PKD2L1: variants seen among roughly 807,000 people sequenced by gnomAD.
PKD2L1 encodes the protein polycystin-2-like protein 1.
A neutral mutation model predicts 93.0 loss-of-function variants in PKD2L1; 77 were observed. That is an observed-to-expected ratio of 0.83 (90% CI 0.69 to 1.00). The LOEUF (loss-of-function observed/expected upper bound fraction) is 1.00, where lower values mean the gene tolerates loss of function less well. Ranked by LOEUF, PKD2L1 falls within the 50% of genes least tolerant of loss-of-function variation. PKD2L1 has a pLI of 0.00. For missense variants in PKD2L1, 977 were observed against 990.9 expected (o/e 0.99, Z 0.19); for synonymous variants, 390 against 388.0 (o/e 1.01, Z -0.06).
chr10:100,298,938 GTTA>G (rs59370050), intron 3 of PKD2L1, 123 bp from the exon 4 acceptor site: 994 of 653,178 alleles, frequency 1.5e-3, no homozygotes, highest in Middle Eastern at 2.0e-3. Context: ...AAAAATTATT[GTTA>G]TTATTATTAT....
chr10:100,296,646 G>A (rs992826744), intron 6 of PKD2L1, among the ~76,000 whole-genome samples: 12 of 152,032 alleles, frequency 7.9e-5, no homozygotes, highest in Admixed American at 2.0e-4. Context: ...AGATGAAGGG[G>A]CAGAATATTT....
chr10:100,288,828 C>G (rs1848338384), intron 15 of PKD2L1, 144 bp downstream of exon 15: 1 of 583,504 alleles, frequency 1.7e-6, no homozygotes. Flanking sequence ...AACATTGGCT[C>G]AAAAGGCCAG....
chr10:100,303,640 G>C (rs1342134755), intron 2 of PKD2L1, among the ~76,000 whole-genome samples: 6 of 152,004 alleles, frequency 3.9e-5, no homozygotes, highest in African/African-American at 1.4e-4. Flanking sequence ...TTTTTCAGGG[G>C]GAAAAAATGG....
Position 100,304,820 on chromosome 10 carries a change from G to A in PKD2L1, c.350-5102C>T, listed in dbSNP as rs572839706. On this transcript the variant is annotated intron_variant, in intron 2 of 15. Transcript: ENST00000318222. ...TTCTATCCTTAAAAAGTTCTATTGA[G>A]GAAGACGTGTCCCAGAATGAACTTG... Among the ~76,000 whole-genome samples the A allele has an allele frequency of 2.8e-4, 42 of 152,270 alleles. No homozygotes were observed. The South Asian group carries it at 8.3e-3, about 30-fold the overall frequency.
chr10:100,297,032 C>T lies in PKD2L1; in HGVS notation c.1133G>A (p.Arg378Gln), dbSNP rs202172386. ...CCAGATGCTGCTGAGGTAGCGAAGC[C>T]GGTGAATGTGGAGCTCCAGGATCTC... ...VEEILELHIH[R>Q]LRYLSSIWNI... Residue 378 changes from arginine to glutamine, a missense_variant, in exon 6 of 16, where the codon CGG (arginine) becomes CAG (glutamine). Coordinates refer to ENST00000318222, the MANE Select transcript of PKD2L1 (RefSeq NM_016112.3). 4.5e-5 allele frequency: 73 copies of T among 1,613,976 alleles called. No homozygotes were observed. The highest frequency in any genetic ancestry group is 2.2e-4 in the South Asian group (20 of 91,084).
chr10:100,304,228 A>G (rs12269704), intron 2 of PKD2L1, among the ~76,000 whole-genome samples: 8,064 of 152,164 alleles, frequency 0.053, 714 homozygotes, highest in African/African-American at 0.18. Flanking sequence ...CTCTCCCCAT[A>G]CAAACACTCT....
rs1465031273 is a variant in PKD2L1, at chr10:100,300,363, C to T, written c.350-645G>A. Among the ~76,000 whole-genome samples, 3 of 151,286 alleles carry T rather than the reference C, an allele frequency of 2.0e-5. 1 individual carries two copies. The highest frequency in any genetic ancestry group is 4.9e-5 in the African/African-American group (2 of 41,022). On this transcript the variant is annotated intron_variant, in intron 2 of 15. Coordinates refer to ENST00000318222, the MANE Select transcript of PKD2L1 (RefSeq NM_016112.3). ...ACCTAGGAGCAATCACCCTGTGATT[C>T]TCCCTGTGCACACATTGTGTGCAAG...
At chr10:100,307,136 T>C (rs941438717) in intron 2 of PKD2L1, among the ~76,000 whole-genome samples, 10 of 152,298 alleles carry the variant, frequency 6.6e-5, no homozygotes, top group Non-Finnish European at 1.5e-4. Flanking sequence ...TAGACACCTA[T>C]TGCCTCAAAA....
chr10:100,289,042 A>C lies in PKD2L1; in HGVS notation c.2265T>G (p.Ile755Met), dbSNP rs568301935. ...APSPGVKEQA[I>M]WKHPQPAPAV... is the part of the protein sequence containing the mutation. ...CTGGGGCTGGCTGCGGGTGCTTCCAAATAGCTTGTTCCTTCTGTTGGAAGA... is the reference window on the plus strand; with the variant it reads ...CTGGGGCTGGCTGCGGGTGCTTCCACATAGCTTGTTCCTTCTGTTGGAAGA... The change falls in exon 15 of 16, where the codon ATT becomes ATG. Residue 755 changes from isoleucine (I) to methionine (M), a missense_variant. By Grantham distance (10) the Ile-to-Met change is conservative (BLOSUM62 1). Coordinates refer to ENST00000318222, the MANE Select transcript of PKD2L1 (RefSeq NM_016112.3). 9 of 1,612,476 alleles carry C rather than the reference A, an allele frequency of 5.6e-6. No homozygotes were observed. The Admixed American group carries it at 6.7e-5, about 12-fold the overall frequency.
intron 2 of PKD2L1, among the ~76,000 whole-genome samples, chr10:100,321,759 G>GAAAGAAAGAAA (rs1564894567): frequency 3.1e-3 from 1 of 322 alleles, no homozygotes; most frequent in African/African-American, 0.013. Flanking sequence ...AAGAAAGAAG[G>GAAAGAAAGAAA]GAGGGAGGGA....
chr10:100,322,201 C>A (rs1404029497), intron 2 of PKD2L1, among the ~76,000 whole-genome samples: 1 of 152,052 alleles, frequency 6.6e-6, no homozygotes, highest in African/African-American at 2.4e-5. Context: ...GCCTGAGCAA[C>A]AGAGCAAGGC....
intron 12 of PKD2L1, 115 bp downstream of exon 12, chr10:100,291,186 G>T: frequency 9.1e-7 from 1 of 1,101,996 alleles, no homozygotes; most frequent in Non-Finnish European, 1.3e-6. Context: ...ATTCTAGAGA[G>T]TTCTTTACTA....
At chr10:100,319,857 A>G (rs1849188800) in intron 2 of PKD2L1, among the ~76,000 whole-genome samples, 1 of 152,252 alleles carries the variant, frequency 6.6e-6, no homozygotes, top group African/African-American at 2.4e-5. Context: ...CCTTTGAGAT[A>G]ACAATAATGT....
chr10:100,313,747 TTGA>T (rs1564890432), intron 2 of PKD2L1, among the ~76,000 whole-genome samples: 1 of 152,214 alleles, frequency 6.6e-6, no homozygotes, highest in African/African-American at 2.4e-5. Flanking sequence ...CCAGAGAGAA[TTGA>T]TTACTGGCAT....
Position 100,293,423 on chromosome 10 carries a change from C to T in PKD2L1, c.1660-44G>A, listed in dbSNP as rs779115441. 14 of 1,274,468 alleles carry T rather than the reference C, an allele frequency of 1.1e-5. No individual in the cohort carries two copies. The East Asian group carries it at 3.2e-4, about 29-fold the overall frequency. 78.9% of individuals were successfully genotyped at this position (1,274,468 alleles called of 1,614,324 possible). ...ACCTGGGTCCTCACCCCCAGACCCA[C>T]TGAAAGGATTGAGCCCACTGACCCC... On this transcript the variant is annotated intron_variant, in intron 9 of 15. Coordinates refer to ENST00000318222, the MANE Select transcript of PKD2L1 (RefSeq NM_016112.3).
At chr10:100,302,719 T>C (rs1339593235) in intron 2 of PKD2L1, among the ~76,000 whole-genome samples, 1 of 151,610 alleles carries the variant, frequency 6.6e-6, no homozygotes, top group Non-Finnish European at 1.5e-5. Flanking sequence ...TGTTCCAGGT[T>C]AAATGAGACT....
At chr10:100,298,019 G>A (rs1848590314) in intron 4 of PKD2L1, among the ~76,000 whole-genome samples, 1 of 152,218 alleles carries the variant, frequency 6.6e-6, no homozygotes, top group Admixed American at 6.5e-5. Context: ...CCTGGACCAG[G>A]AGGAAAAGAT....
intron 11 of PKD2L1, 94 bp downstream of exon 11, chr10:100,292,854 C>T: frequency 7.2e-7 from 1 of 1,389,696 alleles, no homozygotes; most frequent in Non-Finnish European, 9.7e-7. Context: ...GGCCCCTAAA[C>T]TAAAACCAAA....
At chr10:100,311,969 C>G (rs866336634) in intron 2 of PKD2L1, among the ~76,000 whole-genome samples, 1 of 152,220 alleles carries the variant, frequency 6.6e-6, no homozygotes, top group Non-Finnish European at 1.5e-5. Flanking sequence ...CTTCCACCCC[C>G]ATTCCCTCCC....
Sources: gnomAD v4.1 joint callset for allele counts (sites outside exome capture counted in the v4.1 genomes callset) on GRCh38, gnomAD v4.1.1 for gene constraint, MANE v1.5 for transcripts, NCBI Gene and HGNC (gene_info 2026-07-23, HGNC 2026-07-21) for gene names.